The following PHACTR1 variants were observed in gnomAD, a reference collection of about 807,000 sequenced individuals.
The protein encoded by PHACTR1 is phosphatase and actin regulator 1.
A neutral mutation model predicts 69.2 loss-of-function variants in PHACTR1; 16 were observed. That is an observed-to-expected ratio of 0.23 (90% CI 0.16 to 0.35). The LOEUF is 0.35. Among genes scored for constraint, PHACTR1 ranks in the 10% least tolerant of loss-of-function variants. PHACTR1 has a pLI of 1.00. For missense variants in PHACTR1, 510 were observed against 734.7 expected, an observed-to-expected ratio of 0.69 and a Z score of 3.54; for synonymous variants, 312 against 284.5, an observed-to-expected ratio of 1.10 and a Z score of -0.97.
At chr6:13,249,051 G>GTTTGA (rs1402379503) in intron 10 of PHACTR1, among the ~76,000 whole-genome samples, 1 of 152,144 alleles carries the variant, frequency 6.6e-6, no homozygotes, top group African/African-American at 2.4e-5. Context: ...ATTTTTAAAG[G>GTTTGA]TTTGATTAAC....
chr6:12,752,116 C>T lies in PHACTR1; in HGVS notation c.250+2326C>T, dbSNP rs143236267. Among the ~76,000 whole-genome samples the T allele has an allele frequency of 3.9e-3, 601 of 152,338 alleles. 3 individuals are homozygous for T. The highest frequency in any genetic ancestry group is 7.1e-3 in the Non-Finnish European group (485 of 68,032). On this transcript the variant is annotated intron_variant, in intron 4 of 14. Coordinates refer to ENST00000332995, the MANE Select transcript of PHACTR1 (RefSeq NM_030948.6). ...ATCGGGCGTTTATGCTCTAATTTTG[C>T]GCCAACTGCTCACTCCTGGGGCTTG...
At chr6:13,233,329 C>T (rs906976397) in intron 10 of PHACTR1, among the ~76,000 whole-genome samples, 1 of 6,302 alleles carries the variant, frequency 1.6e-4, no homozygotes, top group Admixed American at 2.0e-3. Flanking sequence ...CAACTCTTCC[C>T]CTTATAAGGA....
At chr6:13,012,102 T>A (rs956979297) in intron 4 of PHACTR1, among the ~76,000 whole-genome samples, 12 of 152,080 alleles carry the variant, frequency 7.9e-5, no homozygotes, top group African/African-American at 2.9e-4. Flanking sequence ...TCTACATCCA[T>A]CCCCCTCTAG....
rs9395060 is a variant in PHACTR1, at chr6:12,722,783, C to G, written c.103+3936C>G. ...GCAGAGAGCAGAAAATGTACAGGGT[C>G]CTCCTGTTTGCCTCCTGTCAGTGAA... On this transcript the variant is annotated intron_variant, in intron 3 of 14. Transcript: ENST00000332995. Among the ~76,000 whole-genome samples, 6 of 152,268 alleles carry G rather than the reference C, an allele frequency of 3.9e-5. No individual in the cohort carries two copies. The East Asian group carries it at 1.2e-3, about 29-fold the overall frequency.
chr6:13,218,920 T>C (rs1768169587), intron 8 of PHACTR1, among the ~76,000 whole-genome samples: 1 of 132,850 alleles, frequency 7.5e-6, no homozygotes, highest in African/African-American at 2.9e-5. Context: ...AGAGAAAAGG[T>C]AGAAAAAGGG....
intron 4 of PHACTR1, among the ~76,000 whole-genome samples, chr6:13,017,022 A>G (rs1344772564): frequency 1.3e-5 from 2 of 152,124 alleles, no homozygotes; most frequent in Non-Finnish European, 2.9e-5. Context: ...CCCTGTCTCT[A>G]CTAAAAATAC....
chr6:12,999,969 T>C (rs944268043), intron 4 of PHACTR1, among the ~76,000 whole-genome samples: 3 of 152,220 alleles, frequency 2.0e-5, no homozygotes, highest in African/African-American at 7.2e-5. Flanking sequence ...GTATTTGAAA[T>C]ATTTCATGAA....
chr6:12,833,230 T>G (rs946843176), intron 4 of PHACTR1, among the ~76,000 whole-genome samples: 2 of 151,964 alleles, frequency 1.3e-5, no homozygotes, highest in Admixed American at 6.6e-5. Context: ...ATATACTAGA[T>G]AATCTCTGCT....
chr6:12,828,934 G>A (rs898215616), intron 4 of PHACTR1, among the ~76,000 whole-genome samples: 1 of 152,086 alleles, frequency 6.6e-6, no homozygotes, highest in African/African-American at 2.4e-5. Context: ...ACAATTTATT[G>A]TATATGTTCA....
chr6:13,111,016 C>A (rs1404389788), intron 5 of PHACTR1, among the ~76,000 whole-genome samples: 2 of 151,910 alleles, frequency 1.3e-5, no homozygotes, highest in Non-Finnish European at 2.9e-5. Flanking sequence ...GGAGAATAGT[C>A]CTTTGAATGG....
intron 4 of PHACTR1, among the ~76,000 whole-genome samples, chr6:12,869,374 C>G (rs1318466716): frequency 1.3e-5 from 2 of 152,202 alleles, no homozygotes; most frequent in Non-Finnish European, 2.9e-5. Context: ...ATCCCAATCC[C>G]TTGCACCTCC....
At chr6:12,917,820 C>T (rs1045941703) in intron 4 of PHACTR1, among the ~76,000 whole-genome samples, 2 of 151,980 alleles carry the variant, frequency 1.3e-5, no homozygotes, top group African/African-American at 4.8e-5. Context: ...GTGAATATCG[C>T]CCCTCATGTC....
intron 4 of PHACTR1, among the ~76,000 whole-genome samples, chr6:13,042,579 A>T (rs1264103604): frequency 6.6e-6 from 1 of 152,208 alleles, no homozygotes; most frequent in South Asian, 2.1e-4. Flanking sequence ...GTTGATTCTT[A>T]TATGCACTAA....
At chr6:13,268,877 CAG>C (rs1777198750) in intron 10 of PHACTR1, among the ~76,000 whole-genome samples, 1 of 152,152 alleles carries the variant, frequency 6.6e-6, no homozygotes, top group East Asian at 1.9e-4. Context: ...GAAACACAAA[CAG>C]AGGAACTCAT....
Position 12,717,130 on chromosome 6 carries a change from A to G in PHACTR1, c.-282+234A>G, listed in dbSNP as rs999557292. On this transcript the variant is annotated intron_variant, in intron 1 of 14. Transcript: ENST00000332995. ...ATGCCGGTGGCTGTTCTGTGTATTA[A>G]TTATAACAGGGGAATGTCTAACGTA... 6.6e-5 allele frequency among the ~76,000 whole-genome samples: 10 copies of G among 152,206 alleles called. No individual in the cohort carries two copies. In the South Asian group the frequency reaches 2.1e-3, roughly 32 times the overall value.
chr6:13,252,327 C>CAAAAAAA (rs373475742), intron 10 of PHACTR1, among the ~76,000 whole-genome samples: 1 of 82,554 alleles, frequency 1.2e-5, no homozygotes, highest in Non-Finnish European at 3.1e-5. Context: ...GATCCTGTCT[C>CAAAAAAA]AAAAAAAAAA....
intron 4 of PHACTR1, among the ~76,000 whole-genome samples, chr6:12,853,623 C>A (rs1780043058): frequency 6.6e-6 from 1 of 152,144 alleles, no homozygotes; most frequent in African/African-American, 2.4e-5. Context: ...GCTGGGGAAG[C>A]CTCAGGAAAC....
chr6:12,771,343 T>C (rs1007704237), intron 4 of PHACTR1, among the ~76,000 whole-genome samples: 5 of 152,196 alleles, frequency 3.3e-5, no homozygotes, highest in Non-Finnish European at 5.9e-5. Context: ...GTGGTTCTAC[T>C]TACCAGTTCA....
At chr6:12,941,557 T>G (rs1475766738) in intron 4 of PHACTR1, among the ~76,000 whole-genome samples, 1 of 152,116 alleles carries the variant, frequency 6.6e-6, no homozygotes, top group Non-Finnish European at 1.5e-5. Flanking sequence ...CGGATGTCAC[T>G]ACCTCTCACT....
Sources: gnomAD v4.1 joint callset for allele counts (sites outside exome capture counted in the v4.1 genomes callset) on GRCh38, gnomAD v4.1.1 for gene constraint, MANE v1.5 for transcripts, NCBI Gene and HGNC (gene_info 2026-07-23, HGNC 2026-07-21) for gene names.